Variants in PLXNA4 observed in about 807,000 individuals in gnomAD.
The protein encoded by PLXNA4 is plexin A4.
In PLXNA4, 44 loss-of-function variants were observed where a neutral mutation model predicts 191.8. That is an observed-to-expected ratio of 0.23 (90% CI 0.18 to 0.29). The LOEUF (loss-of-function observed/expected upper bound fraction) is 0.29, where lower values mean the gene tolerates loss of function less well. Among genes scored for constraint, PLXNA4 ranks in the 10% least tolerant of loss-of-function variants. The probability of loss-of-function intolerance (pLI) is 1.00; values close to 1 mark genes in which losing one functional copy is unlikely to be tolerated. For synonymous variants in PLXNA4, 1,082 were observed against 1,009.5 expected (o/e 1.07, Z -1.36); for missense variants, 1,800 against 2,488.8 (o/e 0.72, Z 5.89).
chr7:132,182,720 A>G (rs910772481), intron 16 of PLXNA4, among the ~76,000 whole-genome samples: 2 of 152,210 alleles, frequency 1.3e-5, no homozygotes, highest in African/African-American at 4.8e-5. Flanking sequence ...TGGGAAAGGC[A>G]GAGGGTCCAT....
chr7:132,182,927 G>T (rs973594588), intron 16 of PLXNA4, among the ~76,000 whole-genome samples: 6 of 152,274 alleles, frequency 3.9e-5, no homozygotes, highest in Middle Eastern at 3.4e-3. Context: ...TATCCTTAGG[G>T]CAGCTGAGAA....
At chr7:132,535,822 A>G (rs962750855) in intron 1 of PLXNA4, among the ~76,000 whole-genome samples, 1 of 152,158 alleles carries the variant, frequency 6.6e-6, no homozygotes. Context: ...AGAACTTGCC[A>G]CAGGCCAGGC....
intron 10 of PLXNA4, 140 bp downstream of exon 10, chr7:132,210,803 G>A (rs1797773501): frequency 1.1e-6 from 1 of 933,264 alleles, no homozygotes; most frequent in Non-Finnish European, 1.6e-6. Flanking sequence ...GTGCCAGCAG[G>A]CATGGGGGAA....
Position 132,508,889 on chromosome 7 carries a change from G to T in PLXNA4, c.-86-110C>A, listed in dbSNP as rs570970628. On this transcript the variant is annotated intron_variant, in intron 1 of 31. Coordinates refer to ENST00000321063, the MANE Select transcript of PLXNA4 (RefSeq NM_020911.2). The surrounding 1 kb of genome is among the most constrained non-coding windows in gnomAD (Gnocchi z 4.4). ...TGTTCTGCACACACTGAGCAGAACT[G>T]CACTGGGGGGTGCTGGAGGCTGACT... 1.7e-4 allele frequency: 191 copies of T among 1,107,928 alleles called. No individual in the cohort carries two copies. Among genetic ancestry groups the T allele is most frequent in the Non-Finnish European group, 2.2e-4 (180 of 821,086 alleles). 68.6% of individuals were successfully genotyped at this position (1,107,928 alleles called of 1,614,324 possible).
At chr7:132,485,864 C>T (rs1026114782) in intron 3 of PLXNA4, among the ~76,000 whole-genome samples, 39 of 152,110 alleles carry the variant, frequency 2.6e-4, no homozygotes, top group Admixed American at 2.0e-3. Context: ...CTTCATGTGA[C>T]GTGTGCACTA....
At position 132,614,712 on chromosome 7, in the gene PLXNA4, G is replaced by A. The variant is rs543752574; in HGVS notation, c.-87+31216C>T. ...AGGCACCTGGCCCAATTTGACTAAT[G>A]AGAAATTTCCAAGAAATTTGGTACT... On this transcript the variant is annotated intron_variant, in intron 2 of 4. Transcript: ENST00000378539. Among the ~76,000 whole-genome samples, 45 of 152,338 alleles carry A rather than the reference G, an allele frequency of 3.0e-4. 1 individual carries two copies. The highest frequency in any genetic ancestry group is 9.4e-4 in the African/African-American group (39 of 41,582).
At chr7:132,369,543 C>T (rs533164283) in intron 3 of PLXNA4, among the ~76,000 whole-genome samples, 4 of 152,156 alleles carry the variant, frequency 2.6e-5, no homozygotes, top group Middle Eastern at 3.4e-3. Context: ...AATGGAAGAG[C>T]CCCCAGTGGG....
chr7:132,622,299 T>C (rs1183811510), intron 2 of PLXNA4, among the ~76,000 whole-genome samples: 1 of 152,200 alleles, frequency 6.6e-6, no homozygotes, highest in African/African-American at 2.4e-5. Flanking sequence ...AAAGAGCTAT[T>C]CGCCAATCCT....
intron 3 of PLXNA4, among the ~76,000 whole-genome samples, chr7:132,340,153 A>G (rs73157301): frequency 2.0e-5 from 3 of 152,202 alleles, no homozygotes; most frequent in Non-Finnish European, 2.9e-5. Context: ...GTTGAGACAG[A>G]GACTCAGTGG....
intron 2 of PLXNA4, among the ~76,000 whole-genome samples, chr7:132,604,421 T>C (rs1424491533): frequency 2.0e-5 from 3 of 152,198 alleles, no homozygotes; most frequent in African/African-American, 7.2e-5. Flanking sequence ...CTAATTCATC[T>C]CTGCCCCTGG....
chr7:132,360,902 A>T (rs920712342), intron 3 of PLXNA4, among the ~76,000 whole-genome samples: 1 of 152,208 alleles, frequency 6.6e-6, no homozygotes, highest in Non-Finnish European at 1.5e-5. Flanking sequence ...CTGAATGCAC[A>T]TTTTATCCCT....
At chr7:132,629,467 G>T (rs1803449822) in intron 2 of PLXNA4, among the ~76,000 whole-genome samples, 1 of 152,116 alleles carries the variant, frequency 6.6e-6, no homozygotes, top group Non-Finnish European at 1.5e-5. Flanking sequence ...CTGATGCCTA[G>T]ACCCTCTCCT....
intron 2 of PLXNA4, among the ~76,000 whole-genome samples, chr7:132,634,112 C>T (rs758634709): frequency 6.6e-6 from 1 of 152,112 alleles, no homozygotes; most frequent in Non-Finnish European, 1.5e-5. Flanking sequence ...CCTGGAGCCT[C>T]ATTCCTTATC....
chr7:132,204,025 G>A (rs74947214), intron 10 of PLXNA4, among the ~76,000 whole-genome samples: 6,628 of 152,182 alleles, frequency 0.044, 499 homozygotes, highest in African/African-American at 0.15. Flanking sequence ...GGACTAGATG[G>A]GAGCTTGTTG....
intron 4 of PLXNA4, among the ~76,000 whole-genome samples, chr7:132,269,980 G>C (rs534719957): frequency 6.6e-6 from 1 of 152,168 alleles, no homozygotes; most frequent in African/African-American, 2.4e-5. Context: ...GGGATTGACA[G>C]GAATAATAAA....
intron 3 of PLXNA4, among the ~76,000 whole-genome samples, chr7:132,341,658 C>T (rs565945825): frequency 1.2e-4 from 18 of 152,262 alleles, no homozygotes; most frequent in African/African-American, 4.1e-4. Flanking sequence ...TGGCCCCAGC[C>T]CCCCTAGCCT....
chr7:132,194,164 C>T lies in PLXNA4; in HGVS notation c.2754G>A (p.Met918Ile). Reference sequence around the variant, plus strand: ...CATGCTGGCTGGGCTTGGCCTCCCCCATCTCACACACGATCCTGCAGGGAG... The same window carrying T: ...CATGCTGGCTGGGCTTGGCCTCCCCTATCTCACACACGATCCTGCAGGGAG... Reference protein sequence around the residue: ...YIPAEQIVCEMGEAKPSQHAG... With the variant: ...YIPAEQIVCEIGEAKPSQHAG... The change falls in exon 14 of 32, where the codon ATG (methionine) becomes ATA (isoleucine). Residue 918 changes from methionine (M) to isoleucine (I), a missense_variant. Physicochemically the swap from Met to Ile is conservative, Grantham distance 10 (BLOSUM62 1). This residue lies in a region of PLXNA4 where 1,397 missense variants were observed against 1,880.4 expected (regional missense o/e 0.74). Transcript: ENST00000321063. The T allele has an allele frequency of 6.2e-7, 1 of 1,613,614 alleles. No individual in the cohort carries two copies. The highest frequency in any genetic ancestry group is 8.5e-7 in the Non-Finnish European group (1 of 1,179,652).
At chr7:132,157,179 C>T (rs1053244363) in intron 25 of PLXNA4, among the ~76,000 whole-genome samples, 13 of 152,194 alleles carry the variant, frequency 8.5e-5, no homozygotes, top group South Asian at 2.1e-4. Context: ...TCATGGTGAG[C>T]ACTGGAGACC....
At chr7:132,195,112 A>G (rs1584826236) in intron 13 of PLXNA4, among the ~76,000 whole-genome samples, 1 of 152,242 alleles carries the variant, frequency 6.6e-6, no homozygotes, top group African/African-American at 2.4e-5. Flanking sequence ...GGCACACATG[A>G]ACATAAATGT....
Sources: gnomAD v4.1 joint callset for allele counts (sites outside exome capture counted in the v4.1 genomes callset) on GRCh38, gnomAD v4.1.1 for gene constraint, gnomAD v4.1.1 regional missense constraint, Gnocchi (gnomAD v3.1) non-coding constraint, MANE v1.5 for transcripts, NCBI Gene and HGNC (gene_info 2026-07-23, HGNC 2026-07-21) for gene names.